Variants in MAST1 observed in about 807,000 individuals in gnomAD.
The protein encoded by MAST1 is microtubule-associated serine/threonine-protein kinase 1.
Under a neutral mutation model 124.6 loss-of-function variants are expected in MAST1, and 40 were observed. The ratio of observed to expected loss-of-function variants is 0.32; its 90% CI spans 0.25 to 0.42. MAST1 has a LOEUF of 0.42. MAST1 is among the 10% of genes least tolerant of loss of function. MAST1 has a pLI of 1.00. For synonymous variants in MAST1, 938 were observed against 939.4 expected (o/e 1.00, Z 0.03); for missense variants, 1,558 against 2,181.9 (o/e 0.71, Z 5.70).
At position 12,866,147 on chromosome 19, in the gene MAST1, C is replaced by T. The variant is rs755810534; in HGVS notation, c.2029+45C>T. ...ACGACCTGGGTCGAGGGGTGGGATCCGGGAAGAGGGACCCTGGGGTAAGTA... is the reference window on the plus strand; with the variant it reads ...ACGACCTGGGTCGAGGGGTGGGATCTGGGAAGAGGGACCCTGGGGTAAGTA... On this transcript the variant is annotated intron_variant, in intron 17 of 25. Coordinates refer to ENST00000251472, the MANE Select transcript of MAST1 (RefSeq NM_014975.3). The surrounding 1 kb of genome is among the most constrained non-coding windows in gnomAD (Gnocchi z 5.2). 2.1e-5 allele frequency: 33 copies of T among 1,562,052 alleles called. No homozygotes were observed. Among genetic ancestry groups the T allele is most frequent in the Non-Finnish European group, 2.8e-5 (32 of 1,149,136 alleles).
In MAST1 at chr19:12,840,999, C is replaced by T. The variant is rs1969819514; in HGVS notation, c.181C>T (p.Pro61Ser). ...SPLPGHLGSSPLDSPRNFSPN... is the reference protein window; with the variant it reads ...SPLPGHLGSSSLDSPRNFSPN... ...CCCTCTTTCTCTCATAGGCAGCAGTCCCCTGGACAGCCCCCGAAACTTCTC... is the reference window on the plus strand; with the variant it reads ...CCCTCTTTCTCTCATAGGCAGCAGTTCCCTGGACAGCCCCCGAAACTTCTC... Residue 61 changes from proline (P) to serine (S), a missense_variant, in exon 3 of 26, where the codon CCC (proline) becomes TCC (serine). Around this residue, in one of 10 missense-constraint regions of MAST1, gnomAD observed 57 missense variants for 35.3 expected, o/e 1.62. Transcript: ENST00000251472. 1 of 1,313,500 alleles carries T rather than the reference C, an allele frequency of 7.6e-7. No homozygotes were observed. Among genetic ancestry groups the T allele is most frequent in the Non-Finnish European group, 1.1e-6 (1 of 904,798 alleles). The allele number at this position is 1,313,500 out of a possible 1,614,324, so 81.4% of individuals were successfully genotyped here.
rs1969786728 is a variant in MAST1 at position 12,838,523 on chromosome 19, C to CGCCTCCGCCGCT, written c.-47_-36dup. On this transcript the variant is annotated 5_prime_UTR_variant, in exon 1 of 26. Transcript: ENST00000251472. This position sits in a 1 kb window ranked among gnomAD's most constrained non-coding sequence, Gnocchi z 4.3. ...TTGCTCCCCGCGCCGCCGCCGCCGC[C>CGCCTCCGCCGCT]GCCTCCGCCGCTGCTGCCGCACCTG... The CGCCTCCGCCGCT allele has an allele frequency of 7.2e-7, 1 of 1,380,866 alleles. No homozygotes were observed. Among genetic ancestry groups the CGCCTCCGCCGCT allele is most frequent in the Non-Finnish European group, 9.6e-7 (1 of 1,045,852 alleles). The allele number at this position is 1,380,866 out of a possible 1,614,324, so 85.5% of individuals were successfully genotyped here.
chr19:12,873,042 G>A (rs1248634545), intron 24 of MAST1, among the ~76,000 whole-genome samples: 1 of 152,186 alleles, frequency 6.6e-6, no homozygotes, highest in Non-Finnish European at 1.5e-5. Context: ...AGTGGAAGAG[G>A]GAGGAGCTAG....
chr19:12,856,278 TATG>T (rs1970016461), intron 10 of MAST1, among the ~76,000 whole-genome samples: 1 of 151,568 alleles, frequency 6.6e-6, no homozygotes. Flanking sequence ...AGCCCTGAAA[TATG>T]ATTACATAGT....
chr19:12,873,549 C>T, intron 25 of MAST1, 38 bp downstream of exon 25: 9 of 1,584,820 alleles, frequency 5.7e-6, no homozygotes, highest in Non-Finnish European at 7.7e-6. Context: ...CCGAGCAGCG[C>T]GGGGTGGCCT....
chr19:12,847,279 C>CG lies in MAST1; in HGVS notation c.328-11_328-10insG. 6.2e-7 allele frequency: 1 copy of CG among 1,604,636 alleles called. No individual in the cohort carries two copies. ...TGGTGGCTCTGACCCCGGCCCTGCC[C>CG]CTGTCCCCAGTCCTCCTGCTCCTCC... On this transcript the variant is annotated splice_polypyrimidine_tract_variant and intron_variant, in intron 4 of 25. Transcript: ENST00000251472. This position sits in a 1 kb window ranked among gnomAD's most constrained non-coding sequence, Gnocchi z 5.5.
At position 12,874,861 on chromosome 19, in the gene MAST1, G is replaced by A. The variant is rs763285526; in HGVS notation, c.4704G>A (p.Pro1568=). Residue 1568 remains proline (P), a synonymous_variant, in exon 26 of 26, where the codon CCG becomes CCA. Transcript: ENST00000251472. This position sits in a 1 kb window ranked among gnomAD's most constrained non-coding sequence, Gnocchi z 6.6. ...AAGGAGTGTCCAGTCCCGCACCCCC[G>A]GGACCATAGCCAAGGGGGTCATCGG... ...TKKGVSSPAP[P]GP is the part of the protein sequence containing the mutation. 3.9e-5 allele frequency: 63 copies of A among 1,598,074 alleles called. No individual in the cohort carries two copies. The highest frequency in any genetic ancestry group is 5.1e-5 in the Non-Finnish European group (60 of 1,173,898).
At chr19:12,839,208 C>T (rs749166494) in intron 1 of MAST1, among the ~76,000 whole-genome samples, 5 of 151,106 alleles carry the variant, frequency 3.3e-5, no homozygotes, top group Non-Finnish European at 7.4e-5. Context: ...CAGCGTCACA[C>T]AGGACATGAT....
At chr19:12,859,860 T>G (rs78402197) in intron 12 of MAST1, among the ~76,000 whole-genome samples, 19 of 150,176 alleles carry the variant, frequency 1.3e-4, no homozygotes, top group African/African-American at 4.7e-4. Context: ...TTGTTTTTTG[T>G]TTTTTTTTGT....
intron 24 of MAST1, among the ~76,000 whole-genome samples, chr19:12,871,970 G>A (rs1317093048): frequency 6.6e-6 from 1 of 151,276 alleles, no homozygotes; most frequent in Non-Finnish European, 1.5e-5. Flanking sequence ...AGCCAAGAAT[G>A]GAAGCTGTGC....
rs748781097 is a variant in MAST1, at chr19:12,852,383, C to T, written c.1065C>T (p.Asp355=). 1.9e-5 allele frequency: 31 copies of T among 1,613,844 alleles called. No individual in the cohort carries two copies. In the Admixed American group the frequency reaches 4.0e-4, roughly 21 times the overall value. Residue 355 remains aspartate, a synonymous_variant, in exon 10 of 26, where the codon GAC becomes GAT. Transcript: ENST00000251472. The stretch of plus-strand genomic sequence containing the variant: ...GTGGTTCCAACACCCCTGAGCAAGA[C>T]GATCTCTCTGAGGTAAGGCTGGGTG... ...DSGGSNTPEQ[D]DLSEGRSSKA...
chr19:12,870,180 C>CAA lies in MAST1; in HGVS notation c.3004-619_3004-618dup, dbSNP rs35731863. On this transcript the variant is annotated intron_variant, in intron 22 of 25. Transcript: ENST00000251472. ...TGGGCGACAGAGCAAGACACCATCTCAAAAAAAAAAAAAAAAAAAAAAAAA... is the reference window on the plus strand; with the variant it reads ...TGGGCGACAGAGCAAGACACCATCTCAAAAAAAAAAAAAAAAAAAAAAAAAAA... 2.7e-3 allele frequency among the ~76,000 whole-genome samples: 84 copies of CAA among 30,602 alleles called. 2 individuals are homozygous for CAA. The highest frequency in any genetic ancestry group is 5.0e-3 in the South Asian group (3 of 598). 20.1% of individuals were successfully genotyped at this position (30,602 alleles called of 152,430 possible).
intron 12 of MAST1, among the ~76,000 whole-genome samples, chr19:12,860,618 G>A (rs1420868234): frequency 2.7e-5 from 4 of 149,086 alleles, no homozygotes; most frequent in Non-Finnish European, 5.9e-5. Flanking sequence ...CTAATTTTTT[G>A]TATTTTTAGT....
At chr19:12,871,701 C>T (rs1970236720) in intron 24 of MAST1, among the ~76,000 whole-genome samples, 1 of 151,770 alleles carries the variant, frequency 6.6e-6, no homozygotes, top group African/African-American at 2.4e-5. Context: ...AGAAGGATCA[C>T]TTGAGCCCAG....
intron 10 of MAST1, 79 bp from the exon 11 acceptor site, chr19:12,858,283 C>T: frequency 8.0e-7 from 1 of 1,249,474 alleles, no homozygotes; most frequent in Non-Finnish European, 1.1e-6. Context: ...GCCTCAGTTT[C>T]CCCATGTGTA....
chr19:12,873,514 A>G lies in MAST1; in HGVS notation c.3451+3A>G. On this transcript the variant is annotated splice_donor_region_variant and intron_variant, in intron 25 of 25. Transcript: ENST00000251472. The stretch of plus-strand genomic sequence containing the variant: ...CACGCCTGACTCCGCCTACCTAGGT[A>G]TTACCTCCTGCACCTGCGCGGGGAC... 6.2e-7 allele frequency: 1 copy of G among 1,600,292 alleles called. No homozygotes were observed. Among genetic ancestry groups the G allele is most frequent in the Non-Finnish European group, 8.5e-7 (1 of 1,175,970 alleles).
chr19:12,861,533 C>T (rs1335542130), intron 12 of MAST1, among the ~76,000 whole-genome samples: 1 of 151,966 alleles, frequency 6.6e-6, no homozygotes, highest in African/African-American at 2.4e-5. Context: ...GCCCATGGAG[C>T]CGAAGGCAAG....
Position 12,869,060 on chromosome 19 carries a change from C to G in MAST1, c.2774-6C>G, listed in dbSNP as rs1456988981. ...CTGATTTCTGACCATGGTTGTGTGT[C>G]TGTAGTGGACCCACATGGAAGTTCA... On this transcript the variant is annotated splice_polypyrimidine_tract_variant and splice_region_variant and intron_variant, in intron 21 of 25. Coordinates refer to ENST00000251472, the MANE Select transcript of MAST1 (RefSeq NM_014975.3). 6.2e-7 allele frequency: 1 copy of G among 1,613,192 alleles called. No homozygotes were observed. The highest frequency in any genetic ancestry group is 1.1e-5 in the South Asian group (1 of 91,072).
Position 12,873,753 on chromosome 19 carries a change from C to T in MAST1, c.3596C>T (p.Ala1199Val). ...TACCGCTCTGCGCGATGCAAGTCGGCCGGCAACATCCCTCTATCGCCGCTG... is the reference window on the plus strand; with the variant it reads ...TACCGCTCTGCGCGATGCAAGTCGGTCGGCAACATCCCTCTATCGCCGCTG... ...RQYRSARCKS[A>V]GNIPLSPLAH... Residue 1199 changes from alanine (A) to valine (V), a missense_variant, in exon 26 of 26, where the codon GCC becomes GTC. By Grantham distance (64) the Ala-to-Val change is moderately conservative. This residue lies in a region of MAST1 where 291 missense variants were observed against 475.8 expected (regional missense o/e 0.61). Coordinates refer to ENST00000251472, the MANE Select transcript of MAST1 (RefSeq NM_014975.3). 6.2e-7 allele frequency: 1 copy of T among 1,601,356 alleles called. No homozygotes were observed. Among genetic ancestry groups the T allele is most frequent in the Non-Finnish European group, 8.5e-7 (1 of 1,179,196 alleles).
Sources: allele counts gnomAD v4.1 joint callset (sites outside exome capture counted in the v4.1 genomes callset), GRCh38; gene constraint gnomAD v4.1.1; regional missense constraint gnomAD v4.1.1; non-coding constraint Gnocchi (gnomAD v3.1); transcripts MANE v1.5; gene names NCBI Gene and HGNC (gene_info 2026-07-23, HGNC 2026-07-21).